FREM2: variants seen among roughly 807,000 people sequenced by gnomAD.
FREM2 encodes FRAS1 related extracellular matrix 2, also known as FRAS1-related extracellular matrix protein 2.
FREM2 carries 119 observed loss-of-function variants against 219.9 expected under a neutral mutation model. The observed-to-expected ratio is 0.54, with a 90% CI of 0.47 to 0.63. The LOEUF is 0.63. Ranked by LOEUF, FREM2 falls within the 30% of genes least tolerant of loss-of-function variation. The probability of loss-of-function intolerance (pLI) is 0.00; values close to 1 mark genes in which losing one functional copy is unlikely to be tolerated. For missense variants in FREM2, 4,030 were observed against 3,993.6 expected (o/e 1.01, Z -0.25); for synonymous variants, 1,562 against 1,522.8 (o/e 1.03, Z -0.60).
chr13:38,714,552 CAT>C (rs1870910891), intron 2 of FREM2, among the ~76,000 whole-genome samples: 1 of 152,082 alleles, frequency 6.6e-6, no homozygotes, highest in Non-Finnish European at 1.5e-5. Context: ...TGGTTAGTGA[CAT>C]ATTTTGTATT....
At chr13:38,749,153 G>A (rs1320769730) in intron 2 of FREM2, among the ~76,000 whole-genome samples, 1 of 152,102 alleles carries the variant, frequency 6.6e-6, no homozygotes, top group Non-Finnish European at 1.5e-5. Flanking sequence ...CCACATATTT[G>A]ATTTCATACT....
At chr13:38,785,410 T>G (rs1874287103) in intron 6 of FREM2, among the ~76,000 whole-genome samples, 1 of 152,176 alleles carries the variant, frequency 6.6e-6, no homozygotes, top group Non-Finnish European at 1.5e-5. Context: ...TTGTATTTTT[T>G]TGTGTGGATA....
chr13:38,800,647 TGAGACA>T (rs1874973463), intron 6 of FREM2, among the ~76,000 whole-genome samples: 1 of 152,206 alleles, frequency 6.6e-6, no homozygotes, highest in South Asian at 2.1e-4. Flanking sequence ...GTAGGGTTTT[TGAGACA>T]GAGTCTCACT....
chr13:38,761,507 A>G lies in FREM2; in HGVS notation c.5264-2797A>G, dbSNP rs559210096. Among the ~76,000 whole-genome samples, 8 of 152,342 alleles carry G rather than the reference A, an allele frequency of 5.3e-5. No individual in the cohort carries two copies. In the South Asian group the frequency reaches 1.2e-3, roughly 24 times the overall value. On this transcript the variant is annotated intron_variant, in intron 2 of 23. Transcript: ENST00000280481. Reference sequence around the variant, plus strand: ...ACAATAATTTTTTAAAATATTTTTTAAAAACAATGAGAACAAGTATTGGCA... The same window carrying G: ...ACAATAATTTTTTAAAATATTTTTTGAAAACAATGAGAACAAGTATTGGCA...
At position 38,851,736 on chromosome 13, in the gene FREM2, G is replaced by T; in HGVS notation, c.6793G>T (p.Glu2265Ter). The change falls in exon 11 of 24, where the codon GAA becomes TAA. Residue 2265 changes from glutamate (E) to a stop codon, truncating the protein, a stop_gained. Coordinates refer to ENST00000280481, the MANE Select transcript of FREM2 (RefSeq NM_207361.6). LOFTEE classifies it high-confidence loss of function. ...ETKFSVTEPK[E>*]PGESVVIRIP... Reference sequence around the variant, plus strand: ...CAAATTTAGTGTCACTGAACCCAAAGAACCTGGAGAGTCGGTGGTTATAAG... The same window carrying T: ...CAAATTTAGTGTCACTGAACCCAAATAACCTGGAGAGTCGGTGGTTATAAG... 6.2e-7 allele frequency: 1 copy of T among 1,613,696 alleles called. No homozygotes were observed.
At position 38,850,166 on chromosome 13, in the gene FREM2, T is replaced by C. The variant is rs779154228; in HGVS notation, c.6508T>C (p.Ser2170Pro). The C allele has an allele frequency of 1.2e-6, 2 of 1,613,956 alleles. No homozygotes were observed. The highest frequency in any genetic ancestry group is 2.2e-5 in the South Asian group (2 of 91,078). ...SSVRCYTRQG[S>P]AQVMMDFEER... is the part of the protein sequence containing the mutation. ...AGTGAGATGCTACACCCGGCAGGGG[T>C]CTGCACAGGTGATGATGGACTTTGA... The change falls in exon 9 of 24, where the codon TCT becomes CCT. Residue 2170 changes from serine (S) to proline (P), a missense_variant. Physicochemically the swap from Ser to Pro is moderately conservative, Grantham distance 74. Transcript: ENST00000280481.
intron 6 of FREM2, among the ~76,000 whole-genome samples, chr13:38,788,842 G>A (rs2137836141): frequency 6.6e-6 from 1 of 152,084 alleles, no homozygotes; most frequent in Non-Finnish European, 1.5e-5. Flanking sequence ...AAAACATTTA[G>A]TTTGAGAAGA....
At chr13:38,826,543 T>A (rs1185033306) in intron 6 of FREM2, among the ~76,000 whole-genome samples, 1 of 152,004 alleles carries the variant, frequency 6.6e-6, no homozygotes, top group Non-Finnish European at 1.5e-5. Context: ...TACTCTGGAG[T>A]CCCTTCCTGT....
rs1396254055 is a variant in FREM2, at chr13:38,861,414, TC to T, written c.7520-16del. On this transcript the variant is annotated splice_polypyrimidine_tract_variant and intron_variant, in intron 14 of 23. Transcript: ENST00000280481. ...TTACCTTCTTTTCGCATAAATATGG[TC>T]TTTTTTTTTTTCAAGGTCTTTGTCA... The T allele has an allele frequency of 6.3e-7, 1 of 1,584,764 alleles. No homozygotes were observed. Among genetic ancestry groups the T allele is most frequent in the East Asian group, 2.2e-5 (1 of 44,830 alleles).
chr13:38,708,867 C>A (rs1870646639), intron 2 of FREM2, among the ~76,000 whole-genome samples: 1 of 152,106 alleles, frequency 6.6e-6, no homozygotes, highest in Admixed American at 6.6e-5. Flanking sequence ...TCAAGCAATT[C>A]TCCTGCCTCA....
chr13:38,823,357 C>T lies in FREM2; in HGVS notation c.6020-23216C>T, dbSNP rs145394750. 3.9e-5 allele frequency among the ~76,000 whole-genome samples: 6 copies of T among 152,010 alleles called. No homozygotes were observed. The East Asian group carries it at 1.2e-3, about 30-fold the overall frequency. ...CATTCATCCTCCAGAACCCTAAATG[C>T]ACATTTCATCATCATGTTCCCCCCT... On this transcript the variant is annotated intron_variant, in intron 6 of 23. Coordinates refer to ENST00000280481, the MANE Select transcript of FREM2 (RefSeq NM_207361.6).
At chr13:38,742,743 A>G (rs1255974616) in intron 2 of FREM2, among the ~76,000 whole-genome samples, 2 of 152,210 alleles carry the variant, frequency 1.3e-5, no homozygotes, top group African/African-American at 4.8e-5. Context: ...CATGAGCCTC[A>G]AACCTTGTCT....
At chr13:38,875,291 G>A (rs1894106) in intron 18 of FREM2, among the ~76,000 whole-genome samples, 26,239 of 151,724 alleles carry the variant, frequency 0.17, 2,585 homozygotes, top group Admixed American at 0.26. Flanking sequence ...GATTGGGAAA[G>A]GGAAAATAGT....
chr13:38,811,312 TG>T (rs1875466291), intron 6 of FREM2, among the ~76,000 whole-genome samples: 1 of 152,120 alleles, frequency 6.6e-6, no homozygotes. Flanking sequence ...CATTTATTTC[TG>T]CTCTGATTTT....
intron 2 of FREM2, among the ~76,000 whole-genome samples, chr13:38,763,234 CT>C (rs1375075909): frequency 6.6e-6 from 1 of 152,250 alleles, no homozygotes; most frequent in East Asian, 1.9e-4. Flanking sequence ...TCTTTAGTAC[CT>C]GTTAAGTTGA....
chr13:38,742,044 G>T (rs1330609683), intron 2 of FREM2, among the ~76,000 whole-genome samples: 2 of 152,170 alleles, frequency 1.3e-5, no homozygotes, highest in Non-Finnish European at 2.9e-5. Flanking sequence ...AGGCAAAGTA[G>T]CATCTAAATT....
In FREM2 at chr13:38,755,578, T is replaced by A. The variant is rs73461841; in HGVS notation, c.5264-8726T>A. ...GAAAAAACTTACACTACACTTTGAA[T>A]CCCTACACTCAGATGATTAAACTTT... On this transcript the variant is annotated intron_variant, in intron 2 of 23. Transcript: ENST00000280481. 5.6e-3 allele frequency among the ~76,000 whole-genome samples: 856 copies of A among 152,274 alleles called. 12 individuals are homozygous for A. The highest frequency in any genetic ancestry group is 0.02 in the African/African-American group (828 of 41,542).
chr13:38,697,933 C>A, intron 2 of FREM2, 146 bp downstream of exon 2: 1 of 700,438 alleles, frequency 1.4e-6, no homozygotes, highest in Non-Finnish European at 2.6e-6. Context: ...GACAATTTTA[C>A]AATCTCACTA....
At chr13:38,757,675 A>G (rs1238877152) in intron 2 of FREM2, among the ~76,000 whole-genome samples, 1 of 151,076 alleles carries the variant, frequency 6.6e-6, no homozygotes, top group South Asian at 2.1e-4. Context: ...GCTCACTGCA[A>G]CCTCCACCTC....
Sources: gnomAD v4.1 joint callset for allele counts (sites outside exome capture counted in the v4.1 genomes callset) on GRCh38, gnomAD v4.1.1 for gene constraint, MANE v1.5 for transcripts, NCBI Gene and HGNC (gene_info 2026-07-23, HGNC 2026-07-21) for gene names.